The following TNS1 variants were observed in gnomAD, a reference collection of about 807,000 sequenced individuals.
The protein encoded by TNS1 is tensin 1, also known as tensin-1.
A neutral mutation model predicts 168.6 loss-of-function variants in TNS1; 62 were observed. That is an observed-to-expected ratio of 0.37 (90% confidence interval 0.30 to 0.45). The LOEUF (loss-of-function observed/expected upper bound fraction) is 0.45. Ranked by LOEUF, TNS1 falls within the 20% of genes least tolerant of loss-of-function variation. The pLI is 1.00. For synonymous variants in TNS1, 934 were observed against 933.2 expected (o/e 1.00, Z -0.02); for missense variants, 2,240 against 2,339.4 (o/e 0.96, Z 0.88).
intron 3 of TNS1, among the ~76,000 whole-genome samples, chr2:217,962,736 G>A (rs1246010241): frequency 6.6e-6 from 1 of 152,142 alleles, no homozygotes; most frequent in Non-Finnish European, 1.5e-5. Flanking sequence ...TAACTAACCA[G>A]CACTCTCCAA....
At chr2:217,891,469 AG>A (rs899789766) in intron 11 of TNS1, among the ~76,000 whole-genome samples, 24 of 152,326 alleles carry the variant, frequency 1.6e-4, no homozygotes, top group African/African-American at 5.3e-4. Context: ...GGCACACAGT[AG>A]GGGTACAGGA....
intron 18 of TNS1, among the ~76,000 whole-genome samples, chr2:217,872,352 C>G (rs1949844348): frequency 6.6e-6 from 1 of 152,142 alleles, no homozygotes; most frequent in South Asian, 2.1e-4. Flanking sequence ...ATGCTTACAA[C>G]TCAATAATGA....
chr2:217,836,804 C>G lies in TNS1; in HGVS notation c.3008-593G>C, dbSNP rs117318495. 2.8e-4 allele frequency among the ~76,000 whole-genome samples: 43 copies of G among 152,312 alleles called. 1 individual carries two copies. The East Asian group carries it at 8.3e-3, about 29-fold the overall frequency. On this transcript the variant is annotated intron_variant, in intron 19 of 32. Coordinates refer to ENST00000682258, the MANE Select transcript of TNS1 (RefSeq NM_001387777.1). ...ACCGCTGAACCTCTTACCAACTCCC[C>G]TTATACTGGCCTCTTAGCTCCCCGC...
At chr2:217,975,371 T>C (rs1220148906) in intron 3 of TNS1, among the ~76,000 whole-genome samples, 1 of 152,196 alleles carries the variant, frequency 6.6e-6, no homozygotes, top group East Asian at 1.9e-4. Flanking sequence ...GAAGCTATTT[T>C]AAGCTACTAA....
At chr2:217,913,734 A>T (rs933570960) in intron 4 of TNS1, among the ~76,000 whole-genome samples, 1 of 151,608 alleles carries the variant, frequency 6.6e-6, no homozygotes, top group Non-Finnish European at 1.5e-5. Context: ...GACTCCTCCA[A>T]TATCTGGCCC....
intron 19 of TNS1, among the ~76,000 whole-genome samples, chr2:217,845,544 T>G (rs1034739973): frequency 6.6e-6 from 1 of 152,176 alleles, no homozygotes; most frequent in Non-Finnish European, 1.5e-5. Flanking sequence ...AATATAAGTG[T>G]CCCCTCTATA....
At chr2:218,009,472 C>G (rs1361455397) in intron 1 of TNS1, among the ~76,000 whole-genome samples, 1 of 152,094 alleles carries the variant, frequency 6.6e-6, no homozygotes, top group Non-Finnish European at 1.5e-5. Flanking sequence ...AACCAGGACA[C>G]GCCCACCCAC....
intron 18 of TNS1, among the ~76,000 whole-genome samples, chr2:217,871,817 G>A (rs1224011463): frequency 6.6e-6 from 1 of 152,254 alleles, no homozygotes; most frequent in Non-Finnish European, 1.5e-5. Context: ...CAGAACTCAT[G>A]GGCTTTTTCC....
chr2:217,859,719 A>ATT (rs1559254539), intron 18 of TNS1: 17 of 1,529,274 alleles, frequency 1.1e-5, no homozygotes, highest in Non-Finnish European at 1.5e-5. Context: ...AATCATGAAT[A>ATT]GCAGAGTATC....
intron 1 of TNS1, among the ~76,000 whole-genome samples, chr2:218,021,540 C>T (rs143556277): frequency 3.9e-5 from 6 of 152,340 alleles, no homozygotes; most frequent in African/African-American, 7.2e-5. Flanking sequence ...CATCCAGTCT[C>T]GTGGTCTGCA....
intron 18 of TNS1, among the ~76,000 whole-genome samples, chr2:217,854,434 T>C (rs1158111639): frequency 6.6e-6 from 1 of 152,192 alleles, no homozygotes; most frequent in Non-Finnish European, 1.5e-5. Flanking sequence ...AGTCCCTTCA[T>C]GATAAAAAGT....
chr2:218,003,187 C>A (rs566004423), upstream of TNS1, among the ~76,000 whole-genome samples: 8 of 151,596 alleles, frequency 5.3e-5, no homozygotes, highest in South Asian at 2.1e-4. Context: ...GAGGCAGGGC[C>A]CCCCCAGGCC....
At position 218,016,773 on chromosome 2, in the gene TNS1, A is replaced by T. The variant is rs1180013551; in HGVS notation, c.156+17047T>A. 2.0e-5 allele frequency among the ~76,000 whole-genome samples: 3 copies of T among 152,174 alleles called. No individual in the cohort carries two copies. In the East Asian group the frequency reaches 5.8e-4, roughly 29 times the overall value. On this transcript the variant is annotated intron_variant, in intron 1 of 1. Coordinates refer to the TNS1 transcript ENST00000649572. Reference sequence around the variant, plus strand: ...GCTGAGACCTGGCGTCAAAGACTGGAGATGTGAGCAAGCGCCAAGCCAGTG... The same window carrying T: ...GCTGAGACCTGGCGTCAAAGACTGGTGATGTGAGCAAGCGCCAAGCCAGTG...
intron 22 of TNS1, among the ~76,000 whole-genome samples, chr2:217,822,847 G>T (rs115271998): frequency 2.5e-3 from 386 of 152,270 alleles, no homozygotes; most frequent in African/African-American, 9.0e-3. Context: ...AACGAACTCC[G>T]CTTGAAAGAG....
intron 3 of TNS1, among the ~76,000 whole-genome samples, chr2:217,934,888 T>G (rs1025344926): frequency 1.3e-5 from 2 of 152,198 alleles, no homozygotes; most frequent in Non-Finnish European, 2.9e-5. Flanking sequence ...TTCAGAAAGA[T>G]CCATGCACTT....
At chr2:217,856,318 A>G (rs541332726) in intron 18 of TNS1, among the ~76,000 whole-genome samples, 5 of 152,312 alleles carry the variant, frequency 3.3e-5, no homozygotes, top group Non-Finnish European at 7.4e-5. Flanking sequence ...GGAGAACCCC[A>G]GCATGTGGCT....
intron 7 of TNS1, 93 bp from the exon 8 acceptor site, chr2:217,898,062 C>T (rs2125738188): frequency 1.5e-6 from 2 of 1,367,934 alleles, no homozygotes; most frequent in Non-Finnish European, 1.9e-6. Flanking sequence ...CCCTGTGTGA[C>T]CCCCATATGC....
intron 31 of TNS1, 70 bp from the exon 32 acceptor site, chr2:217,808,177 C>A (rs1939565402): frequency 1.3e-6 from 2 of 1,576,704 alleles, no homozygotes; most frequent in South Asian, 1.1e-5. Context: ...CACCCATGCC[C>A]AGACCCTCTG....
chr2:218,031,777 C>T (rs1958902159), intron 1 of TNS1, among the ~76,000 whole-genome samples: 1 of 152,162 alleles, frequency 6.6e-6, no homozygotes, highest in Non-Finnish European at 1.5e-5. Context: ...AAAAGGGTTG[C>T]AGGCCCCACA....
Sources: gnomAD v4.1 joint callset for allele counts (sites outside exome capture counted in the v4.1 genomes callset) on GRCh38, gnomAD v4.1.1 for gene constraint, MANE v1.5 for transcripts, NCBI Gene and HGNC (gene_info 2026-07-23, HGNC 2026-07-21) for gene names.